PRDM2: variants seen among roughly 807,000 people sequenced by gnomAD.
PRDM2 encodes PR domain zinc finger protein 2.
A neutral mutation model predicts 130.0 loss-of-function variants in PRDM2; 30 were observed. That is an observed-to-expected ratio of 0.23 (90% confidence interval 0.17 to 0.31). The LOEUF is 0.31. PRDM2 is among the 10% of genes least tolerant of loss of function. The pLI is 1.00. For missense variants in PRDM2, 2,011 were observed against 2,108.4 expected, an observed-to-expected ratio of 0.95 and a Z score of 0.90; for synonymous variants, 871 against 782.4, an observed-to-expected ratio of 1.11 and a Z score of -1.89.
rs186788682 is a variant in PRDM2 at position 13,741,697 on chromosome 1, A to G, written c.232-308A>G. Among the ~76,000 whole-genome samples, 4 of 132,610 alleles carry G rather than the reference A, an allele frequency of 3.0e-5. No homozygotes were observed. The East Asian group carries it at 1.0e-3, about 34-fold the overall frequency. The allele number at this position is 132,610 out of a possible 152,430, so 87.0% of individuals were successfully genotyped here. A position where few individuals can be genotyped will look rare whatever the true frequency, so the allele number is the denominator to read the frequency against. On this transcript the variant is annotated intron_variant, in intron 4 of 9. Transcript: ENST00000311066. ...TGTAAAGCATTTGGAGATCCCAAGC[A>G]TGCTGACTATAGCTCTTTAAGTTTG... is the stretch of plus-strand genomic sequence containing the variant.
Position 13,700,228 on chromosome 1 carries a change from G to A in PRDM2, c.-138G>A, listed in dbSNP as rs1341515121. On this transcript the variant is annotated 5_prime_UTR_variant, in exon 1 of 10. Transcript: ENST00000311066. ...CAAGATGGCGGCGGCGCGGCCGCGG[G>A]CGCCGGGGCCGGCGAAACAGCGGCG... The A allele has an allele frequency of 6.6e-6, 1 of 152,578 alleles. No homozygotes were observed. Among genetic ancestry groups the A allele is most frequent in the Non-Finnish European group, 1.5e-5 (1 of 68,284 alleles). 9.5% of individuals were successfully genotyped at this position (152,578 alleles called of 1,614,324 possible).
At chr1:13,736,312 C>T (rs957327953) in intron 4 of PRDM2, among the ~76,000 whole-genome samples, 2 of 151,932 alleles carry the variant, frequency 1.3e-5, no homozygotes, top group African/African-American at 4.8e-5. Flanking sequence ...TGGGGTTTCA[C>T]CATGTTGCCC....
At chr1:13,766,351 G>A (rs1055194113) in intron 6 of PRDM2, among the ~76,000 whole-genome samples, 1 of 152,216 alleles carries the variant, frequency 6.6e-6, no homozygotes, top group Admixed American at 6.5e-5. Flanking sequence ...AGGCTGGGAC[G>A]AGGAATTCTA....
At chr1:13,732,329 A>G (rs527779054) in intron 3 of PRDM2, among the ~76,000 whole-genome samples, 2 of 152,316 alleles carry the variant, frequency 1.3e-5, no homozygotes, top group Non-Finnish European at 1.5e-5. Flanking sequence ...TCATAAAACT[A>G]TATTTCTAAC....
At chr1:13,769,498 C>T (rs1213357363) in intron 6 of PRDM2, among the ~76,000 whole-genome samples, 2 of 152,168 alleles carry the variant, frequency 1.3e-5, no homozygotes, top group Non-Finnish European at 2.9e-5. Flanking sequence ...CTGGCCTTCA[C>T]TTTCTCCCAC....
chr1:13,701,096 C>T (rs1350702806), intron 1 of PRDM2, among the ~76,000 whole-genome samples: 1 of 152,170 alleles, frequency 6.6e-6, no homozygotes, highest in East Asian at 1.9e-4. Flanking sequence ...CGGCAAAGAC[C>T]CCATAGTTAA....
chr1:13,779,393 C>T lies in PRDM2; in HGVS notation c.1598C>T (p.Ala533Val). 1.9e-6 allele frequency: 3 copies of T among 1,614,110 alleles called. No homozygotes were observed. Among genetic ancestry groups the T allele is most frequent in the Non-Finnish European group, 1.7e-6 (2 of 1,180,018 alleles). The change falls in exon 8 of 10, where the codon GCC becomes GTC. Residue 533 changes from alanine (A) to valine (V), a missense_variant. Around this residue, in one of 5 missense-constraint regions of PRDM2, gnomAD observed 1,288 missense variants for 1,237.7 expected, o/e 1.04. Coordinates refer to ENST00000311066, the MANE Select transcript of PRDM2 (RefSeq NM_001393986.1). This position sits in a 1 kb window ranked among gnomAD's most constrained non-coding sequence, Gnocchi z 4.9. ...CAGCCTCCAGCAGAACAGGCCCAGG[C>T]CACCCAGAACGTGTATGTACCAAGC... ...EPQPPAEQAQ[A>V]TQNVYVPSTE...
intron 8 of PRDM2, among the ~76,000 whole-genome samples, chr1:13,814,043 T>C (rs562057140): frequency 1.3e-5 from 2 of 152,306 alleles, no homozygotes; most frequent in African/African-American, 4.8e-5. Flanking sequence ...CTGTAGACAT[T>C]TCCCTGGGAA....
At chr1:13,796,462 A>G (rs75296687) in intron 8 of PRDM2, among the ~76,000 whole-genome samples, 2,735 of 152,310 alleles carry the variant, frequency 0.018, 88 homozygotes, top group African/African-American at 0.062. Context: ...TCACTCATTA[A>G]CAGTAGGTCT....
chr1:13,745,995 C>T (rs1462741693), intron 5 of PRDM2, among the ~76,000 whole-genome samples: 1 of 152,124 alleles, frequency 6.6e-6, no homozygotes, highest in African/African-American at 2.4e-5. Context: ...TCTAATATTT[C>T]TGACACATTT....
intron 6 of PRDM2, 44 bp downstream of exon 6, chr1:13,749,531 C>A: frequency 1.7e-6 from 2 of 1,205,676 alleles, no homozygotes; most frequent in Non-Finnish European, 1.1e-6. Context: ...GCGCCACGCC[C>A]GCCCAGGACG....
intron 2 of PRDM2, among the ~76,000 whole-genome samples, chr1:13,723,578 G>A (rs1395418391): frequency 6.6e-6 from 1 of 152,188 alleles, no homozygotes; most frequent in Non-Finnish European, 1.5e-5. Context: ...CCCAGCTTTG[G>A]TGATGCCATG....
rs937261047 is a variant in PRDM2 at position 13,803,896 on chromosome 1, T to C, written c.5037-12531T>C. Among the ~76,000 whole-genome samples the C allele has an allele frequency of 2.0e-5, 3 of 152,188 alleles. No homozygotes were observed. The highest frequency in any genetic ancestry group is 1.9e-4 in the East Asian group (1 of 5,186). On this transcript the variant is annotated intron_variant, in intron 8 of 9. Coordinates refer to ENST00000311066, the MANE Select transcript of PRDM2 (RefSeq NM_001393986.1). The surrounding 1 kb of genome is among the most constrained non-coding windows in gnomAD (Gnocchi z 6.2). Reference sequence around the variant, plus strand: ...GAAGCTCCACAAAGCAGGGGCGTGATTGATCTTTTGGGAGCGTGGAGGCCA... The same window carrying C: ...GAAGCTCCACAAAGCAGGGGCGTGACTGATCTTTTGGGAGCGTGGAGGCCA...
intron 8 of PRDM2, among the ~76,000 whole-genome samples, chr1:13,808,344 AGCCGGGCGTGGT>A (rs1436037182): frequency 1.3e-5 from 2 of 151,660 alleles, no homozygotes; most frequent in Non-Finnish European, 2.9e-5. Flanking sequence ...ACAAAAAATT[AGCCGGGCGTGGT>A]GGCGGGCTGA....
At chr1:13,757,851 T>C (rs1643996869) in intron 6 of PRDM2, among the ~76,000 whole-genome samples, 1 of 148,036 alleles carries the variant, frequency 6.8e-6, no homozygotes, top group Non-Finnish European at 1.5e-5. Context: ...AGTACCTTCC[T>C]AAGAGGTTTT....
At chr1:13,711,936 CAGGT>C (rs1241508965) in intron 1 of PRDM2, among the ~76,000 whole-genome samples, 1 of 151,048 alleles carries the variant, frequency 6.6e-6, no homozygotes, top group East Asian at 1.9e-4. Flanking sequence ...AGAGAGGAAA[CAGGT>C]AGTGTAGAAA....
chr1:13,701,573 C>T (rs1386869129), intron 1 of PRDM2, among the ~76,000 whole-genome samples: 1 of 151,426 alleles, frequency 6.6e-6, no homozygotes, highest in Non-Finnish European at 1.5e-5. Flanking sequence ...TCCAAACTGC[C>T]CCATCACTCT....
intron 7 of PRDM2, among the ~76,000 whole-genome samples, chr1:13,775,840 C>T (rs936765470): frequency 2.0e-5 from 3 of 152,174 alleles, no homozygotes; most frequent in African/African-American, 2.4e-5. Flanking sequence ...TCTTGCTCCT[C>T]GGCCTCCAGT....
intron 6 of PRDM2, among the ~76,000 whole-genome samples, 168 bp from the exon 7 acceptor site, chr1:13,772,910 A>G (rs866961957): frequency 2.0e-5 from 3 of 152,218 alleles, no homozygotes; most frequent in South Asian, 4.1e-4. Flanking sequence ...TACAGTCATC[A>G]TTCATTCCTT....
Sources: allele counts gnomAD v4.1 joint callset (sites outside exome capture counted in the v4.1 genomes callset), GRCh38; gene constraint gnomAD v4.1.1; regional missense constraint gnomAD v4.1.1; non-coding constraint Gnocchi (gnomAD v3.1); transcripts MANE v1.5; gene names NCBI Gene and HGNC (gene_info 2026-07-23, HGNC 2026-07-21).